Variants in TUT4 observed in about 807,000 individuals in gnomAD.
TUT4 encodes the protein terminal uridylyl transferase 4.
A neutral mutation model predicts 192.2 loss-of-function variants in TUT4; 36 were observed. The ratio of observed to expected loss-of-function variants is 0.19; its 90% confidence interval spans 0.14 to 0.25. The LOEUF is 0.25. Among genes scored for constraint, TUT4 ranks in the 10% least tolerant of loss-of-function variants. The probability of loss-of-function intolerance (pLI) is 1.00; values close to 1 mark genes in which losing one functional copy is unlikely to be tolerated. For synonymous variants in TUT4, 618 were observed against 666.0 expected, an observed-to-expected ratio of 0.93 and a Z score of 1.11; for missense variants, 1,493 against 1,957.2, an observed-to-expected ratio of 0.76 and a Z score of 4.47.
At chr1:52,476,718 T>C (rs1667182729) in intron 12 of TUT4, among the ~76,000 whole-genome samples, 1 of 152,212 alleles carries the variant, frequency 6.6e-6, no homozygotes, top group Non-Finnish European at 1.5e-5. Flanking sequence ...ATTTATTTAC[T>C]ATATATAAGA....
At position 52,475,176 on chromosome 1, in the gene TUT4, G is replaced by C; in HGVS notation, c.2383C>G (p.Gln795Glu). The part of the protein sequence containing the change: ...VNELDFADHG[Q>E]DSSSLSTSKS... Reference sequence around the variant, plus strand: ...CTGGTAGAAAGAGATGAAGAGTCCTGTCCGTGGTCAGCAAAATCTAGTTCA... The same window carrying C: ...CTGGTAGAAAGAGATGAAGAGTCCTCTCCGTGGTCAGCAAAATCTAGTTCA... The change falls in exon 13 of 30, where the codon CAG (glutamine) becomes GAG (glutamate). Residue 795 changes from glutamine to glutamate, a missense_variant. This residue lies in a region of TUT4 where 245 missense variants were observed against 218.4 expected (regional missense o/e 1.12). Transcript: ENST00000257177. 1 of 1,614,118 alleles carries C rather than the reference G, an allele frequency of 6.2e-7. No individual in the cohort carries two copies. The highest frequency in any genetic ancestry group is 1.1e-5 in the South Asian group (1 of 91,072).
At chr1:52,462,833 C>A (rs1662996888) in intron 16 of TUT4, 1 of 985,118 alleles carries the variant, frequency 1.0e-6, no homozygotes, top group Admixed American at 6.2e-5. Flanking sequence ...TAATGATAAT[C>A]ATAATACATA....
In TUT4 at chr1:52,472,085, G is replaced by A. The variant is rs1270024932; in HGVS notation, c.2745C>T (p.Cys915=). 6.2e-7 allele frequency: 1 copy of A among 1,613,372 alleles called. No individual in the cohort carries two copies. Among genetic ancestry groups the A allele is most frequent in the Non-Finnish European group, 8.5e-7 (1 of 1,179,784 alleles). ...AATGGCCATCCTTTTTGCAGATGCT[G>A]CATACTATCGTTGGTGGCTACACAA... ...LTSGKPPTIV[C]SICKKDGHSK... Residue 915 remains cysteine, a synonymous_variant, in exon 14 of 30, where the codon TGC becomes TGT. Transcript: ENST00000257177.
chr1:52,463,645 G>C (rs1162447241), intron 16 of TUT4: 4 of 1,303,518 alleles, frequency 3.1e-6, no homozygotes, highest in Admixed American at 2.3e-5. Flanking sequence ...AGCTAGGCTG[G>C]TAAAGGACTG....
chr1:52,528,662 T>C (rs1682517513), intron 1 of TUT4, among the ~76,000 whole-genome samples: 1 of 152,134 alleles, frequency 6.6e-6, no homozygotes, highest in Non-Finnish European at 1.5e-5. Flanking sequence ...AAATGTACCA[T>C]CTTTGATTTT....
chr1:52,546,890 C>T (rs904545905), intron 1 of TUT4, among the ~76,000 whole-genome samples: 20 of 151,996 alleles, frequency 1.3e-4, no homozygotes, highest in Middle Eastern at 3.4e-3. Flanking sequence ...CTGGCACTTT[C>T]GGAGGCTGAG....
rs777734607 is a variant in TUT4, at chr1:52,435,391, T to C, written c.4237A>G (p.Ile1413Val). 2.4e-5 allele frequency: 38 copies of C among 1,614,018 alleles called. No individual in the cohort carries two copies. Among genetic ancestry groups the C allele is most frequent in the Non-Finnish European group, 3.1e-5 (36 of 1,179,956 alleles). ...CATTCTGATGACTGTCTAGTCCTTATGGACTGATCACCCTGTTGCTGAGCT... is the reference window on the plus strand; with the variant it reads ...CATTCTGATGACTGTCTAGTCCTTACGGACTGATCACCCTGTTGCTGAGCT... ...GSAQQQGDQS[I>V]RTRQSSECSE... Residue 1413 changes from isoleucine (I) to valine (V), a missense_variant, in exon 27 of 30, where the codon ATA becomes GTA. This residue lies in a region of TUT4 where 351 missense variants were observed against 397.8 expected (regional missense o/e 0.88). Transcript: ENST00000257177.
At chr1:52,459,410 G>A (rs371572953) in intron 19 of TUT4, among the ~76,000 whole-genome samples, 60 of 152,006 alleles carry the variant, frequency 3.9e-4, no homozygotes, top group African/African-American at 1.3e-3. Context: ...GCAACATGGC[G>A]AAACCCCATC....
At chr1:52,455,154 C>T (rs1660510987) in intron 20 of TUT4, among the ~76,000 whole-genome samples, 1 of 152,010 alleles carries the variant, frequency 6.6e-6, no homozygotes, top group Non-Finnish European at 1.5e-5. Flanking sequence ...CATGGTGGCT[C>T]ATGTCTGTAA....
intron 4 of TUT4, among the ~76,000 whole-genome samples, chr1:52,501,960 G>T (rs1414761068): frequency 6.6e-6 from 1 of 152,026 alleles, no homozygotes. Flanking sequence ...AGGGGAATGG[G>T]GAGTTATTGC....
intron 13 of TUT4, among the ~76,000 whole-genome samples, chr1:52,472,435 G>T (rs1314947002): frequency 6.6e-6 from 1 of 151,844 alleles, no homozygotes; most frequent in African/African-American, 2.4e-5. Flanking sequence ...AACTTACTGA[G>T]ATCTAACAAA....
intron 3 of TUT4, among the ~76,000 whole-genome samples, chr1:52,514,162 C>T (rs1178357619): frequency 6.6e-5 from 10 of 152,066 alleles, no homozygotes; most frequent in Non-Finnish European, 8.8e-5. Flanking sequence ...AGTAAAAGGC[C>T]GGGCACGGTG....
At chr1:52,528,068 A>G (rs1374317721) in intron 1 of TUT4, among the ~76,000 whole-genome samples, 1 of 151,350 alleles carries the variant, frequency 6.6e-6, no homozygotes, top group Non-Finnish European at 1.5e-5. Flanking sequence ...AATCCTACCT[A>G]TTTAAGAGGC....
intron 28 of TUT4, among the ~76,000 whole-genome samples, chr1:52,428,184 C>T (rs1244769512): frequency 1.3e-5 from 2 of 152,054 alleles, no homozygotes; most frequent in African/African-American, 2.4e-5. Context: ...TCAAATAAAT[C>T]GATAATAGGA....
chr1:52,429,413 G>A (rs1034708351), intron 28 of TUT4, among the ~76,000 whole-genome samples: 6 of 151,582 alleles, frequency 4.0e-5, no homozygotes, highest in Non-Finnish European at 7.4e-5. Context: ...AGGCACAGTG[G>A]TGTGTGCCTG....
intron 2 of TUT4, among the ~76,000 whole-genome samples, chr1:52,520,319 T>C (rs570538665): frequency 2.7e-4 from 41 of 152,278 alleles, no homozygotes; most frequent in African/African-American, 9.1e-4. Context: ...TAAATACTAG[T>C]AATGTGATCT....
At position 52,488,985 on chromosome 1, in the gene TUT4, G is replaced by A; in HGVS notation, c.1439C>T (p.Thr480Ile). 7 of 1,613,790 alleles carry A rather than the reference G, an allele frequency of 4.3e-6. No individual in the cohort carries two copies. The highest frequency in any genetic ancestry group is 5.9e-6 in the Non-Finnish European group (7 of 1,179,866). ...SAGNDMACLTTDLLTALGKIE... is the reference protein window; with the variant it reads ...SAGNDMACLTIDLLTALGKIE... Reference sequence around the variant, plus strand: ...TTTGCCAAGGGCAGTAAGTAAATCAGTAGTGAGACATGCCATATCGTTTCC... The same window carrying A: ...TTTGCCAAGGGCAGTAAGTAAATCAATAGTGAGACATGCCATATCGTTTCC... Residue 480 changes from threonine (T) to isoleucine (I), a missense_variant, in exon 9 of 30, where the codon ACT becomes ATT. By Grantham distance (89) the Thr-to-Ile change is moderately conservative (BLOSUM62 -1). This residue lies in a region of TUT4 where 437 missense variants were observed against 577.6 expected (regional missense o/e 0.76). Transcript: ENST00000257177.
chr1:52,527,975 G>A (rs963263484), intron 1 of TUT4, among the ~76,000 whole-genome samples: 4 of 151,800 alleles, frequency 2.6e-5, no homozygotes, highest in African/African-American at 4.8e-5. Context: ...TCAGGAGTTC[G>A]AGACCAGCCT....
chr1:52,540,404 T>C (rs2149652514), intron 1 of TUT4, among the ~76,000 whole-genome samples: 1 of 149,686 alleles, frequency 6.7e-6, no homozygotes, highest in East Asian at 2.0e-4. Context: ...TAGTCCGACT[T>C]CTCAGGAGGC....
Sources: gnomAD v4.1 joint callset for allele counts (sites outside exome capture counted in the v4.1 genomes callset) on GRCh38, gnomAD v4.1.1 for gene constraint, gnomAD v4.1.1 regional missense constraint, MANE v1.5 for transcripts, NCBI Gene and HGNC (gene_info 2026-07-23, HGNC 2026-07-21) for gene names.